GPR89B: variants seen among roughly 807,000 people sequenced by gnomAD.
The protein encoded by GPR89B is golgi pH regulator B, also known as G protein-coupled receptor 89B.
In GPR89B, 25 loss-of-function variants were observed where a neutral mutation model predicts 52.4. The ratio of observed to expected loss-of-function variants is 0.48; its 90% CI spans 0.35 to 0.67. GPR89B has a LOEUF of 0.67. Among genes scored for constraint, GPR89B ranks in the 30% least tolerant of loss-of-function variants. The pLI is 0.01. For synonymous variants in GPR89B, 52 were observed against 151.2 expected, an observed-to-expected ratio of 0.34 and a Z score of 4.81; for missense variants, 146 against 450.2, an observed-to-expected ratio of 0.32 and a Z score of 6.11.
chr1:147,929,628 C>T (rs1173674758), intron 1 of GPR89B, among the ~76,000 whole-genome samples: 2 of 152,138 alleles, frequency 1.3e-5, no homozygotes, highest in Non-Finnish European at 2.9e-5. Flanking sequence ...TTAAAGTGAA[C>T]TAAATTTGTG....
At chr1:147,940,276 G>A (rs587698049) in intron 3 of GPR89B, among the ~76,000 whole-genome samples, 49 of 151,450 alleles carry the variant, frequency 3.2e-4, no homozygotes, top group African/African-American at 1.1e-3. Flanking sequence ...GGTGGTGGGC[G>A]CCTGTAGTCC....
chr1:147,946,841 T>G (rs1655012717), intron 5 of GPR89B, among the ~76,000 whole-genome samples: 1 of 152,144 alleles, frequency 6.6e-6, no homozygotes, highest in African/African-American at 2.4e-5. Context: ...TTCAGTTTTA[T>G]TCTTTCCATT....
At position 147,949,335 on chromosome 1, in the gene GPR89B, G is replaced by A. The variant is rs587755541; in HGVS notation, c.416-4010G>A. Among the ~76,000 whole-genome samples the A allele has an allele frequency of 1.6e-3, 240 of 147,862 alleles. 7 individuals carry two copies. The highest frequency in any genetic ancestry group is 4.4e-3 in the African/African-American group (171 of 38,600). ...GGGCTCCTCACTTCCCAGTAGGGGC[G>A]GCCGGGCAGAGGTGCCCCTCACCTC... On this transcript the variant is annotated intron_variant, in intron 5 of 13. Transcript: ENST00000314163.
At chr1:148,005,752 C>A in the GPR89B span, among the ~76,000 whole-genome samples, 1 of 152,032 alleles carries the variant, frequency 6.6e-6, no homozygotes, top group Non-Finnish European at 1.5e-5. Flanking sequence ...TGCTGGAGCA[C>A]ATATACCCTT....
At chr1:147,940,247 CA>C (rs1230095696) in intron 3 of GPR89B, among the ~76,000 whole-genome samples, 6 of 151,556 alleles carry the variant, frequency 4.0e-5, no homozygotes, top group African/African-American at 1.2e-4. Flanking sequence ...ACTAAAAATA[CA>C]AAAAATTAGC....
intron 3 of GPR89B, among the ~76,000 whole-genome samples, chr1:147,940,590 G>A (rs4950509): frequency 3.0e-4 from 46 of 152,310 alleles, no homozygotes; most frequent in African/African-American, 9.6e-4. Flanking sequence ...GGGCCAGATA[G>A]TAAATATTTT....
intron 7 of GPR89B, among the ~76,000 whole-genome samples, chr1:147,965,724 A>G (rs1259982452): frequency 2.0e-5 from 3 of 152,154 alleles, no homozygotes; most frequent in Admixed American, 2.0e-4. Context: ...AGGTTTATGC[A>G]ATTTTGCTAT....
At chr1:148,020,476 G>A in the GPR89B span, among the ~76,000 whole-genome samples, 7 of 151,544 alleles carry the variant, frequency 4.6e-5, no homozygotes, top group South Asian at 8.3e-4. Flanking sequence ...GTCAGGAGGC[G>A]TTGGCAGTTC....
At chr1:147,957,899 C>G (rs2149064267) in intron 7 of GPR89B, among the ~76,000 whole-genome samples, 1 of 151,832 alleles carries the variant, frequency 6.6e-6, no homozygotes, top group Non-Finnish European at 1.5e-5. Context: ...CCCATCTCTA[C>G]TAAAGATACA....
chr1:148,011,985 C>T, the GPR89B span: 3 of 152,134 alleles, frequency 2.0e-5, no homozygotes, highest in African/African-American at 7.2e-5. Flanking sequence ...CCCGGCTCTC[C>T]AGCTCACCAG....
At chr1:147,988,861 CAAA>C (rs1401100541) in intron 12 of GPR89B, among the ~76,000 whole-genome samples, 1 of 130,776 alleles carries the variant, frequency 7.6e-6, no homozygotes, top group Non-Finnish European at 1.6e-5. Context: ...CACTCCATCT[CAAA>C]AAAAAAAAAA....
At chr1:148,015,805 C>T in the GPR89B span, among the ~76,000 whole-genome samples, 2 of 149,694 alleles carry the variant, frequency 1.3e-5, no homozygotes, top group African/African-American at 5.0e-5. Flanking sequence ...GGTGCAATTA[C>T]TATAGGAAGA....
At chr1:148,017,538 T>A in the GPR89B span, among the ~76,000 whole-genome samples, 1 of 148,672 alleles carries the variant, frequency 6.7e-6, no homozygotes, top group Non-Finnish European at 1.5e-5. Flanking sequence ...ATCGAGACCA[T>A]CCTGGCTAAC....
chr1:147,950,044 C>G (rs587765059), intron 5 of GPR89B, among the ~76,000 whole-genome samples: 2 of 147,416 alleles, frequency 1.4e-5, no homozygotes, highest in Admixed American at 6.7e-5. Flanking sequence ...ACCTCCCTCC[C>G]GGACGGGGCG....
At chr1:147,983,893 C>G (rs1658459426) in intron 10 of GPR89B, among the ~76,000 whole-genome samples, 1 of 149,790 alleles carries the variant, frequency 6.7e-6, no homozygotes, top group Non-Finnish European at 1.5e-5. Flanking sequence ...TTTATTGTGG[C>G]ACTATTCACA....
the GPR89B span, among the ~76,000 whole-genome samples, chr1:148,017,256 A>T: frequency 2.1e-4 from 32 of 150,506 alleles, no homozygotes; most frequent in Admixed American, 4.0e-4. Context: ...ATTAGCCAGG[A>T]TGGTCTCAAT....
At chr1:147,981,799 C>T (rs1415998295) in intron 10 of GPR89B, among the ~76,000 whole-genome samples, 28 of 151,688 alleles carry the variant, frequency 1.8e-4, no homozygotes, top group South Asian at 1.2e-3. Context: ...ATTACAGGTG[C>T]GTACCACCAT....
intron 10 of GPR89B, among the ~76,000 whole-genome samples, chr1:147,984,966 G>T (rs1268163151): frequency 5.9e-5 from 9 of 152,234 alleles, no homozygotes; most frequent in African/African-American, 1.7e-4. Flanking sequence ...TACGTATTGT[G>T]CTCTTGTTGG....
At chr1:147,958,041 G>A (rs1373974967) in intron 7 of GPR89B, among the ~76,000 whole-genome samples, 3 of 151,324 alleles carry the variant, frequency 2.0e-5, no homozygotes, top group African/African-American at 7.3e-5. Flanking sequence ...TCCAGCCTGG[G>A]TGATGGAGTG....
Sources: gnomAD v4.1 joint callset for allele counts (sites outside exome capture counted in the v4.1 genomes callset) on GRCh38, gnomAD v4.1.1 for gene constraint, MANE v1.5 for transcripts, NCBI Gene and HGNC (gene_info 2026-07-23, HGNC 2026-07-21) for gene names.